C9orf43: variants seen among roughly 807,000 people sequenced by gnomAD.
C9orf43 encodes the protein chromosome 9 open reading frame 43, also known as uncharacterized protein C9orf43.
In C9orf43, 45 loss-of-function variants were observed where a neutral mutation model predicts 59.1. The ratio of observed to expected loss-of-function variants is 0.76; its 90% confidence interval spans 0.60 to 0.98. The LOEUF (loss-of-function observed/expected upper bound fraction) is 0.98. Ranked by LOEUF, C9orf43 falls within the 50% of genes least tolerant of loss-of-function variation. The pLI, the probability that C9orf43 is intolerant of heterozygous loss-of-function variation, is 0.00. For synonymous variants in C9orf43, 203 were observed against 196.8 expected (o/e 1.03, Z -0.26); for missense variants, 533 against 554.9 (o/e 0.96, Z 0.40).
chr9:113,418,673 G>A (rs1193907638), intron 3 of C9orf43, among the ~76,000 whole-genome samples: 1 of 152,186 alleles, frequency 6.6e-6, no homozygotes, highest in Non-Finnish European at 1.5e-5. Flanking sequence ...ATAGTTGACT[G>A]TGGGTAAGTG....
chr9:113,411,143 C>G, intron 1 of C9orf43, 142 bp downstream of exon 1: 1 of 983,890 alleles, frequency 1.0e-6, no homozygotes, highest in Non-Finnish European at 1.2e-6. Flanking sequence ...GGGCAGGTAA[C>G]GAAAGGGCGA....
intron 5 of C9orf43, among the ~76,000 whole-genome samples, chr9:113,421,878 C>T (rs529916442): frequency 6.6e-6 from 1 of 151,962 alleles, no homozygotes; most frequent in Admixed American, 6.6e-5. Flanking sequence ...GAAAAACAAC[C>T]CTAAGGGTTT....
At chr9:113,419,037 T>G in intron 3 of C9orf43, 71 bp from the exon 4 acceptor site, 1 of 1,244,812 alleles carries the variant, frequency 8.0e-7, no homozygotes, top group Non-Finnish European at 1.2e-6. Flanking sequence ...AAGGATTTCC[T>G]CATAGCACTA....
intron 9 of C9orf43, 88 bp downstream of exon 9, chr9:113,425,164 A>G: frequency 2.0e-6 from 3 of 1,481,602 alleles, no homozygotes; most frequent in South Asian, 2.3e-5. Context: ...ATTCAGTTAT[A>G]TTTGTGGCCA....
rs1341167246 is a variant in C9orf43, at chr9:113,428,955, G to T, written c.1163G>T (p.Ser388Ile). The T allele has an allele frequency of 1.9e-6, 3 of 1,613,680 alleles. No individual in the cohort carries two copies. ...TATGACCATGCGGATTTCCACCACA[G>T]TGTAAAAAGTAAGTTACTAGAGTAG... Reference protein sequence around the residue: ...NYYDHADFHHSVKSPELYETE... With the variant: ...NYYDHADFHHIVKSPELYETE... Residue 388 changes from serine to isoleucine, a missense_variant, in exon 13 of 14, where the codon AGT (serine) becomes ATT (isoleucine). Coordinates refer to ENST00000374165, the MANE Select transcript of C9orf43 (RefSeq NM_001278629.2).
intron 4 of C9orf43, 111 bp from the exon 5 acceptor site, chr9:113,420,992 G>A: frequency 2.1e-6 from 2 of 950,916 alleles, no homozygotes; most frequent in Non-Finnish European, 3.2e-6. Flanking sequence ...TTGAAGATGG[G>A]AAACTTAAAA....
rs200045945 is a variant in C9orf43, at chr9:113,413,654, C to A, written c.151+10C>A. On this transcript the variant is annotated intron_variant, in intron 2 of 13. Transcript: ENST00000374165. ...CCCCTGGATGCTGAAGGTGAATTAG[C>A]CAGCTTCTGTCCTCTCCCTCACGAG... 340 of 1,613,688 alleles carry A rather than the reference C, an allele frequency of 2.1e-4. No individual in the cohort carries two copies. The highest frequency in any genetic ancestry group is 2.7e-4 in the Non-Finnish European group (318 of 1,179,722).
At chr9:113,428,792 C>A (rs1828882466) in intron 12 of C9orf43, 108 bp from the exon 13 acceptor site, 1 of 968,294 alleles carries the variant, frequency 1.0e-6, no homozygotes, top group South Asian at 1.4e-5. Context: ...AGGTGGGTCT[C>A]TGGCTCATCT....
At chr9:113,415,825 A>G (rs148970437) in intron 3 of C9orf43, among the ~76,000 whole-genome samples, 3 of 152,312 alleles carry the variant, frequency 2.0e-5, no homozygotes, top group East Asian at 3.9e-4. Context: ...GGTGGCTCTC[A>G]TAGTATTTTC....
chr9:113,422,121 T>C (rs1011948091), intron 5 of C9orf43, among the ~76,000 whole-genome samples: 2 of 152,146 alleles, frequency 1.3e-5, no homozygotes, highest in Admixed American at 1.3e-4. Context: ...AAAAAATACT[T>C]CTTACCAAAC....
chr9:113,415,367 A>G (rs1435858416), intron 3 of C9orf43, among the ~76,000 whole-genome samples: 1 of 151,902 alleles, frequency 6.6e-6, no homozygotes, highest in Non-Finnish European at 1.5e-5. Context: ...CTGGTCTTGA[A>G]CTCGTGAGCT....
chr9:113,429,035 A>G (rs1474480681), intron 13 of C9orf43, 72 bp downstream of exon 13: 2 of 1,512,044 alleles, frequency 1.3e-6, no homozygotes, highest in East Asian at 4.5e-5. Context: ...GTTGACCAGG[A>G]TAGTTTACCT....
intron 7 of C9orf43, 69 bp from the exon 8 acceptor site, chr9:113,424,097 C>T: frequency 2.6e-6 from 4 of 1,514,202 alleles, no homozygotes; most frequent in Non-Finnish European, 3.5e-6. Context: ...CTTTACATCT[C>T]TTTCTCCTCA....
intron 1 of C9orf43, among the ~76,000 whole-genome samples, chr9:113,412,222 C>T (rs1454839426): frequency 6.6e-6 from 1 of 152,216 alleles, no homozygotes; most frequent in Admixed American, 6.5e-5. Context: ...GTCAGTTGCT[C>T]TTCAACTGGA....
chr9:113,425,101 C>T (rs764294069), intron 9 of C9orf43, 25 bp downstream of exon 9: 1 of 1,605,710 alleles, frequency 6.2e-7, no homozygotes, highest in South Asian at 1.1e-5. Context: ...GCTGCTGGAT[C>T]TCTAAGCACC....
At chr9:113,412,137 A>T (rs1002481002) in intron 1 of C9orf43, among the ~76,000 whole-genome samples, 1 of 152,224 alleles carries the variant, frequency 6.6e-6, no homozygotes, top group African/African-American at 2.4e-5. Flanking sequence ...TCAATTAGAG[A>T]CCATAAGGTC....
chr9:113,421,488 A>G (rs753249828), intron 5 of C9orf43, among the ~76,000 whole-genome samples: 2 of 151,904 alleles, frequency 1.3e-5, no homozygotes, highest in Non-Finnish European at 2.9e-5. Context: ...TAAGAAATAA[A>G]TGCTCTCTCT....
In C9orf43 at chr9:113,411,081, T is replaced by G. The variant is rs1828119534; in HGVS notation, c.-50+80T>G. On this transcript the variant is annotated intron_variant, in intron 1 of 13. Transcript: ENST00000374165. ...AACTATTTAGGCAGCCCAGGGATAATGCTGGCCATATAGAGATGCGCCTGA... is the reference window on the plus strand; with the variant it reads ...AACTATTTAGGCAGCCCAGGGATAAGGCTGGCCATATAGAGATGCGCCTGA... 7 of 985,322 alleles carry G rather than the reference T, an allele frequency of 7.1e-6. No homozygotes were observed. The South Asian group carries it at 3.3e-4, about 46-fold the overall frequency. 61.0% of individuals were successfully genotyped at this position (985,322 alleles called of 1,614,324 possible).
intron 10 of C9orf43, 31 bp from the exon 11 acceptor site, chr9:113,425,612 C>T (rs1828760260): frequency 6.3e-7 from 1 of 1,597,336 alleles, no homozygotes; most frequent in South Asian, 1.1e-5. Flanking sequence ...TTCCAAAAAT[C>T]CTAATTTGTT....
Sources: gnomAD v4.1 joint callset for allele counts (sites outside exome capture counted in the v4.1 genomes callset) on GRCh38, gnomAD v4.1.1 for gene constraint, MANE v1.5 for transcripts, NCBI Gene and HGNC (gene_info 2026-07-23, HGNC 2026-07-21) for gene names.